LRPPRC: variants seen among roughly 807,000 people sequenced by gnomAD.
LRPPRC encodes leucine rich pentatricopeptide repeat containing.
Under a neutral mutation model 180.3 loss-of-function variants are expected in LRPPRC, and 120 were observed. The ratio of observed to expected loss-of-function variants is 0.67; its 90% confidence interval spans 0.57 to 0.77. LRPPRC has a LOEUF of 0.77. Among genes scored for constraint, LRPPRC ranks in the 30% least tolerant of loss-of-function variants. The pLI is 0.00. For missense variants in LRPPRC, 2,012 were observed against 1,657.2 expected (o/e 1.21, Z -3.72); for synonymous variants, 723 against 600.0 (o/e 1.21, Z -3.00).
intron 33 of LRPPRC, 21 bp from the exon 34 acceptor site, chr2:43,899,355 A>C (rs757728062): frequency 6.2e-6 from 10 of 1,608,952 alleles, no homozygotes; most frequent in South Asian, 1.1e-5. Flanking sequence ...GACAGGTAAG[A>C]AAAATCTTTC....
In LRPPRC at chr2:43,945,272, CAT is replaced by C. The variant is rs1672636218; in HGVS notation, c.2296+58_2296+59del. 7.3e-6 allele frequency: 8 copies of C among 1,096,008 alleles called. 1 individual carries two copies. Among genetic ancestry groups the C allele is most frequent in the Middle Eastern group, 4.0e-4 (2 of 5,036 alleles). 67.9% of individuals were successfully genotyped at this position (1,096,008 alleles called of 1,614,324 possible). A position where few individuals can be genotyped will look rare whatever the true frequency, so the allele number is the denominator to read the frequency against. ...CATGATATCCATTAATATCAATTCA[CAT>C]GTTATTCCAGTGGCAAGATACTTGC... On this transcript the variant is annotated intron_variant, in intron 22 of 37. Coordinates refer to ENST00000260665, the MANE Select transcript of LRPPRC (RefSeq NM_133259.4).
chr2:43,948,324 T>C, intron 17 of LRPPRC, 88 bp downstream of exon 17: 1 of 933,014 alleles, frequency 1.1e-6, no homozygotes, highest in Non-Finnish European at 1.8e-6. Flanking sequence ...TGAGAAGTGG[T>C]CTGGTTGTAC....
Position 43,974,713 on chromosome 2 carries a change from C to T in LRPPRC, c.910G>A (p.Asp304Asn). 2 of 1,613,600 alleles carry T rather than the reference C, an allele frequency of 1.2e-6. No homozygotes were observed. Among genetic ancestry groups the T allele is most frequent in the Non-Finnish European group, 1.7e-6 (2 of 1,179,702 alleles). ...AAGCTAAAAATAATTTGCAGTAAAT[C>T]ACGGTCCATAAGGTGAAGCTCGGAC... ...EKSELHLMDR[D>N]LLQIIFSFSK... Residue 304 changes from aspartate (D) to asparagine (N), a missense_variant, in exon 8 of 38, where the codon GAT becomes AAT. Transcript: ENST00000260665.
intron 1 of LRPPRC, among the ~76,000 whole-genome samples, chr2:43,988,236 C>CAAAAAA (rs35197756): frequency 3.1e-5 from 3 of 95,724 alleles, no homozygotes; most frequent in African/African-American, 1.2e-4. Flanking sequence ...GACTCTGTCT[C>CAAAAAA]AAAAAAAAAA....
intron 22 of LRPPRC, among the ~76,000 whole-genome samples, 188 bp downstream of exon 22, chr2:43,945,144 C>T (rs775458764): frequency 5.3e-5 from 8 of 152,126 alleles, no homozygotes; most frequent in Non-Finnish European, 8.8e-5. Flanking sequence ...ATGTAAATGA[C>T]AAGCTTGCCA....
chr2:43,957,669 T>G (rs917805441), intron 13 of LRPPRC, among the ~76,000 whole-genome samples: 4 of 152,240 alleles, frequency 2.6e-5, no homozygotes, highest in Non-Finnish European at 4.4e-5. Context: ...TTCATGAATA[T>G]ATACAACTAA....
intron 3 of LRPPRC, among the ~76,000 whole-genome samples, chr2:43,978,793 T>C (rs528431892): frequency 6.6e-6 from 1 of 152,184 alleles, no homozygotes. Context: ...TGAAGGATAG[T>C]CCTAAATATT....
intron 23 of LRPPRC, among the ~76,000 whole-genome samples, chr2:43,942,564 ATTTT>A (rs966417149): frequency 6.6e-6 from 1 of 152,098 alleles, no homozygotes; most frequent in African/African-American, 2.4e-5. Flanking sequence ...GTATTCACAC[ATTTT>A]TTTAAGTTAG....
chr2:43,955,693 A>G (rs1673084697), intron 14 of LRPPRC, among the ~76,000 whole-genome samples: 1 of 151,678 alleles, frequency 6.6e-6, no homozygotes, highest in Admixed American at 6.6e-5. Flanking sequence ...TAGGCTGATT[A>G]ACCCACTGCA....
At position 43,948,883 on chromosome 2, in the gene LRPPRC, T is replaced by A. The variant is rs757187544; in HGVS notation, c.1736-365A>T. 5.3e-5 allele frequency among the ~76,000 whole-genome samples: 8 copies of A among 149,834 alleles called. No individual in the cohort carries two copies. The East Asian group carries it at 7.7e-4, about 14-fold the overall frequency. On this transcript the variant is annotated intron_variant, in intron 16 of 37. Transcript: ENST00000260665. ...TGTCTTGTACACATTTCTATACTGT[T>A]TTTTTTTTGTGGACAATATTTAGGG...
intron 1 of LRPPRC, among the ~76,000 whole-genome samples, chr2:43,986,137 TTA>T (rs1271391780): frequency 1.3e-5 from 2 of 152,148 alleles, no homozygotes; most frequent in African/African-American, 4.8e-5. Flanking sequence ...CCATTTTTAT[TTA>T]TTTTATTTTG....
At chr2:43,970,493 CAAGAAA>C (rs1673756069) in intron 11 of LRPPRC, among the ~76,000 whole-genome samples, 1 of 152,034 alleles carries the variant, frequency 6.6e-6, no homozygotes, top group Admixed American at 6.6e-5. Context: ...TTTCTTTTCA[CAAGAAA>C]AAGATTAAAA....
chr2:43,969,757 C>T (rs984634914), intron 11 of LRPPRC, among the ~76,000 whole-genome samples: 3 of 152,100 alleles, frequency 2.0e-5, no homozygotes, highest in Non-Finnish European at 2.9e-5. Flanking sequence ...GCAGTGGCTA[C>T]GATCAAGGCT....
rs761052211 is a variant in LRPPRC at position 43,899,270 on chromosome 2, G to GA, written c.3773dup (p.Leu1259ProfsTer11). 8 of 1,613,928 alleles carry GA rather than the reference G, an allele frequency of 5.0e-6. No individual in the cohort carries two copies. In the African/African-American group the frequency reaches 6.7e-5, roughly 13 times the overall value. On this transcript the variant is annotated frameshift_variant, in exon 34 of 38. Transcript: ENST00000260665. LOFTEE classifies it high-confidence loss of function. ...CCTTGCCTGCATCCACAAGTTGAAG[G>GA]AAAAAATCAGTGACAGGTTTATAAA...
At chr2:43,900,178 C>T (rs539319993) in intron 32 of LRPPRC, among the ~76,000 whole-genome samples, 2 of 151,998 alleles carry the variant, frequency 1.3e-5, no homozygotes, top group South Asian at 4.1e-4. Context: ...TCAGTTTATA[C>T]TAAAAATCTC....
At position 43,899,591 on chromosome 2, in the gene LRPPRC, G is replaced by A; in HGVS notation, c.3584C>T (p.Ala1195Val). 6.2e-7 allele frequency: 1 copy of A among 1,609,412 alleles called. No homozygotes were observed. Among genetic ancestry groups the A allele is most frequent in the Non-Finnish European group, 8.5e-7 (1 of 1,176,026 alleles). The change falls in exon 33 of 38, where the codon GCC (alanine) becomes GTC (valine). Residue 1195 changes from alanine (A) to valine (V), a missense_variant. Coordinates refer to ENST00000260665, the MANE Select transcript of LRPPRC (RefSeq NM_133259.4). ...CATATTTTCAATGTTTTCTATTGCGGCATCTATGTTATTACTGTTAAAAGC... is the reference window on the plus strand; with the variant it reads ...CATATTTTCAATGTTTTCTATTGCGACATCTATGTTATTACTGTTAAAAGC... ...LAQIKNNNID[A>V]AIENIENMLT... is the part of the protein sequence containing the mutation.
chr2:43,971,903 T>C (rs374906585), intron 11 of LRPPRC, among the ~76,000 whole-genome samples: 1 of 152,224 alleles, frequency 6.6e-6, no homozygotes, highest in Non-Finnish European at 1.5e-5. Flanking sequence ...AAACTGACAA[T>C]CTTTTGCACT....
chr2:43,963,408 C>T (rs1316148768), intron 12 of LRPPRC, 180 bp downstream of exon 12: 7 of 639,912 alleles, frequency 1.1e-5, no homozygotes, highest in South Asian at 1.9e-5. Context: ...TGTGCCATTG[C>T]ACTCCTGCCT....
chr2:43,917,971 T>A, intron 29 of LRPPRC, 54 bp downstream of exon 29: 1 of 1,265,148 alleles, frequency 7.9e-7, no homozygotes, highest in Non-Finnish European at 1.2e-6. Context: ...CCCACACTGC[T>A]ATTAGAAAGA....
Sources: gnomAD v4.1 joint callset for allele counts (sites outside exome capture counted in the v4.1 genomes callset) on GRCh38, gnomAD v4.1.1 for gene constraint, MANE v1.5 for transcripts, NCBI Gene and HGNC (gene_info 2026-07-23, HGNC 2026-07-21) for gene names.